OBI1: variants seen among roughly 807,000 people sequenced by gnomAD.
The protein encoded by OBI1 is ring finger protein 219.
OBI1 carries 59 observed loss-of-function variants against 62.4 expected under a neutral mutation model. That is an observed-to-expected ratio of 0.95 (90% CI 0.77 to 1.17). OBI1 has a LOEUF of 1.17. Among genes scored for constraint, OBI1 ranks in the 50% most tolerant of loss-of-function variants. The pLI, the probability that OBI1 is intolerant of heterozygous loss-of-function variation, is 0.00. For missense variants in OBI1, 875 were observed against 830.9 expected, an observed-to-expected ratio of 1.05 and a Z score of -0.65; for synonymous variants, 302 against 292.8, an observed-to-expected ratio of 1.03 and a Z score of -0.32.
chr13:78,626,848 T>C (rs1047639740), intron 5 of OBI1, among the ~76,000 whole-genome samples: 5 of 152,102 alleles, frequency 3.3e-5, no homozygotes, highest in Admixed American at 6.5e-5. Flanking sequence ...AGGCGGATCA[T>C]GAGGTCAGGA....
intron 3 of OBI1, among the ~76,000 whole-genome samples, chr13:78,641,061 G>A (rs1193053958): frequency 6.6e-6 from 1 of 152,058 alleles, no homozygotes; most frequent in Non-Finnish European, 1.5e-5. Context: ...TTCTTACTAT[G>A]ATGCCATTTA....
chr13:78,648,401 C>T (rs1173291088), intron 1 of OBI1, among the ~76,000 whole-genome samples: 1 of 151,000 alleles, frequency 6.6e-6, no homozygotes, highest in African/African-American at 2.4e-5. Flanking sequence ...CTACTGTTAT[C>T]TACTTTTATA....
chr13:78,620,406 A>G (rs1875469858), intron 5 of OBI1, among the ~76,000 whole-genome samples: 1 of 152,212 alleles, frequency 6.6e-6, no homozygotes, highest in South Asian at 2.1e-4. Context: ...AAATTTCAAA[A>G]TGGAGTATTT....
Position 78,659,069 on chromosome 13 carries a change from A to C in OBI1, c.52T>G (p.Cys18Gly), listed in dbSNP as rs767922422. 27 of 1,612,794 alleles carry C rather than the reference A, an allele frequency of 1.7e-5. No individual in the cohort carries two copies. Among genetic ancestry groups the C allele is most frequent in the Non-Finnish European group, 2.3e-5 (27 of 1,179,712 alleles). ...ATTACCTTCCCCAAGCAAATGTGGC[A>C]CGTGATGGGCAGAGTGAGCGACAAT... ...VTLSLTLPIT[C>G]HICLGKVRQP... The change falls in exon 1 of 6, where the codon TGC becomes GGC. Residue 18 changes from cysteine (C) to glycine (G), a missense_variant. By Grantham distance (159) the Cys-to-Gly change is radical. Transcript: ENST00000282003.
intron 4 of OBI1, among the ~76,000 whole-genome samples, chr13:78,636,668 A>C (rs1217167056): frequency 6.6e-6 from 1 of 152,156 alleles, no homozygotes; most frequent in Non-Finnish European, 1.5e-5. Flanking sequence ...ACCAACCAGG[A>C]CTGTGGAGAG....
At chr13:78,655,735 C>G (rs74512513) in intron 1 of OBI1, among the ~76,000 whole-genome samples, 1,546 of 152,222 alleles carry the variant, frequency 0.01, 28 homozygotes, top group African/African-American at 0.035. Flanking sequence ...ACTGTGAGAT[C>G]TGGGGACATA....
chr13:78,617,335 T>C (rs1326442051), intron 5 of OBI1: 8 of 428,878 alleles, frequency 1.9e-5, no homozygotes, highest in South Asian at 5.7e-5. Flanking sequence ...CAAAACCTAA[T>C]AGGATATTTT....
intron 2 of OBI1, 26 bp downstream of exon 2, chr13:78,644,836 T>A: frequency 6.2e-7 from 1 of 1,606,208 alleles, no homozygotes; most frequent in Non-Finnish European, 8.5e-7. Context: ...AACCTATTCC[T>A]ATGCATATAT....
chr13:78,642,134 GT>G lies in OBI1; in HGVS notation c.287del (p.His96ProfsTer8), dbSNP rs1876234242. ...GATTACTGTTTACCTCATATTCTTT[GT>G]GTAGTAATTCAAGTCTAGTTTTCCG... ...HLRKTRLELLHKEYEDEIDCL... is the reference protein window; with the variant it reads ...HLRKTRLELLXKEYEDEIDCL... On this transcript the variant is annotated frameshift_variant, in exon 3 of 6. Coordinates refer to ENST00000282003, the MANE Select transcript of OBI1 (RefSeq NM_024546.4). LOFTEE classifies it high-confidence loss of function. 1 of 1,586,752 alleles carries G rather than the reference GT, an allele frequency of 6.3e-7. No individual in the cohort carries two copies. Among genetic ancestry groups the G allele is most frequent in the Non-Finnish European group, 8.6e-7 (1 of 1,156,196 alleles).
At position 78,616,852 on chromosome 13, in the gene OBI1, G is replaced by C; in HGVS notation, c.909C>G (p.Gly303=). The C allele has an allele frequency of 6.2e-7, 1 of 1,614,184 alleles. No individual in the cohort carries two copies. Among genetic ancestry groups the C allele is most frequent in the Non-Finnish European group, 8.5e-7 (1 of 1,180,024 alleles). The part of the protein sequence containing the change: ...NQGDSARKQP[G]SSTSSSSHLA... Reference sequence around the variant, plus strand: ...GGTGAGAAGAACTGGAGGTGGATGAGCCAGGCTGCTTTCTGGCACTATCGC... The same window carrying C: ...GGTGAGAAGAACTGGAGGTGGATGACCCAGGCTGCTTTCTGGCACTATCGC... The change falls in exon 6 of 6, where the codon GGC becomes GGG. Residue 303 remains glycine, a synonymous_variant. Transcript: ENST00000282003.
At chr13:78,618,654 T>C (rs1875405230) in intron 5 of OBI1, among the ~76,000 whole-genome samples, 1 of 152,154 alleles carries the variant, frequency 6.6e-6, no homozygotes, top group Non-Finnish European at 1.5e-5. Context: ...ATTTACTCAC[T>C]GCAATTAACT....
intron 1 of OBI1, among the ~76,000 whole-genome samples, chr13:78,647,526 C>T (rs988131811): frequency 5.9e-5 from 9 of 152,232 alleles, no homozygotes; most frequent in South Asian, 2.1e-4. Flanking sequence ...GATTCCTTTG[C>T]TCACATGTTT....
intron 1 of OBI1, among the ~76,000 whole-genome samples, chr13:78,650,827 T>C (rs1375017579): frequency 6.6e-6 from 1 of 151,538 alleles, no homozygotes; most frequent in East Asian, 1.9e-4. Context: ...GCCTCAACCA[T>C]AATTTGGCCT....
chr13:78,638,323 G>C (rs1003653681), intron 4 of OBI1, among the ~76,000 whole-genome samples: 1 of 152,200 alleles, frequency 6.6e-6, no homozygotes, highest in African/African-American at 2.4e-5. Flanking sequence ...GTACTCTGAA[G>C]CAGCTGCTTA....
intron 4 of OBI1, among the ~76,000 whole-genome samples, chr13:78,636,969 T>C (rs950401936): frequency 5.9e-5 from 9 of 152,224 alleles, no homozygotes; most frequent in African/African-American, 2.2e-4. Flanking sequence ...GTTCCTCAAC[T>C]ATCAGAGATC....
chr13:78,634,126 A>G (rs2137446252), intron 5 of OBI1, among the ~76,000 whole-genome samples: 1 of 152,118 alleles, frequency 6.6e-6, no homozygotes, highest in South Asian at 2.1e-4. Context: ...AACAACAAAA[A>G]AAAACAAACT....
At chr13:78,645,523 A>G (rs988938784) in intron 1 of OBI1, among the ~76,000 whole-genome samples, 18 of 152,376 alleles carry the variant, frequency 1.2e-4, no homozygotes, top group African/African-American at 4.1e-4. Context: ...AAAAGGCATG[A>G]GCTTCACTCT....
chr13:78,645,694 A>G (rs1876361717), intron 1 of OBI1, among the ~76,000 whole-genome samples: 1 of 151,970 alleles, frequency 6.6e-6, no homozygotes, highest in Admixed American at 6.6e-5. Context: ...TCTGTTACCC[A>G]GGCTGGAGTA....
intron 1 of OBI1, among the ~76,000 whole-genome samples, chr13:78,657,660 G>T (rs1876751822): frequency 6.6e-6 from 1 of 152,160 alleles, no homozygotes; most frequent in Non-Finnish European, 1.5e-5. Context: ...AATTGCAAAA[G>T]ACAGCCTATA....
Sources: allele counts gnomAD v4.1 joint callset (sites outside exome capture counted in the v4.1 genomes callset), GRCh38; gene constraint gnomAD v4.1.1; transcripts MANE v1.5; gene names NCBI Gene and HGNC (gene_info 2026-07-23, HGNC 2026-07-21).